The following TSG101 variants were observed in gnomAD, a reference collection of about 807,000 sequenced individuals.
The protein encoded by TSG101 is tumor susceptibility gene 101 protein.
A neutral mutation model predicts 48.5 loss-of-function variants in TSG101; 19 were observed. The ratio of observed to expected loss-of-function variants is 0.39; its 90% confidence interval spans 0.27 to 0.58. TSG101 has a LOEUF of 0.58. TSG101 is among the 20% of genes least tolerant of loss of function. The probability of loss-of-function intolerance (pLI) is 0.55; values close to 1 mark genes in which losing one functional copy is unlikely to be tolerated. For missense variants in TSG101, 365 were observed against 484.4 expected (o/e 0.75, Z 2.31); for synonymous variants, 174 against 169.4 (o/e 1.03, Z -0.21).
chr11:18,498,712 G>A (rs1044247942), intron 7 of TSG101, among the ~76,000 whole-genome samples: 2 of 152,044 alleles, frequency 1.3e-5, no homozygotes, highest in African/African-American at 4.8e-5. Context: ...TGAGAACTGG[G>A]GGCACAGAGA....
intron 1 of TSG101, among the ~76,000 whole-genome samples, chr11:18,520,077 T>C (rs1850244112): frequency 6.6e-6 from 1 of 152,216 alleles, no homozygotes; most frequent in South Asian, 2.1e-4. Flanking sequence ...CCCATTCTAC[T>C]TGTCCCCAGC....
At chr11:18,515,151 C>T (rs539060992) in intron 3 of TSG101, among the ~76,000 whole-genome samples, 1 of 152,182 alleles carries the variant, frequency 6.6e-6, no homozygotes, top group Non-Finnish European at 1.5e-5. Flanking sequence ...CCTCTGTGAT[C>T]TTCCCATGTG....
At chr11:18,499,400 A>ATT (rs1204737360) in intron 7 of TSG101, among the ~76,000 whole-genome samples, 13 of 6,786 alleles carry the variant, frequency 1.9e-3, no homozygotes, top group African/African-American at 4.9e-3. Context: ...ATATATATAT[A>ATT]TATTTTTTTT....
intron 1 of TSG101, among the ~76,000 whole-genome samples, chr11:18,519,915 A>C (rs1850240892): frequency 6.6e-6 from 1 of 152,246 alleles, no homozygotes; most frequent in South Asian, 2.1e-4. Flanking sequence ...AGCTTTTTAA[A>C]GATATAATTC....
chr11:18,516,758 A>G (rs936838328), intron 2 of TSG101, among the ~76,000 whole-genome samples: 2 of 151,782 alleles, frequency 1.3e-5, no homozygotes, highest in Non-Finnish European at 2.9e-5. Flanking sequence ...CCTGACCAAC[A>G]TGGAGAAACC....
At chr11:18,518,195 G>C (rs561442416) in intron 2 of TSG101, among the ~76,000 whole-genome samples, 15 of 152,328 alleles carry the variant, frequency 9.8e-5, no homozygotes, top group Admixed American at 9.2e-4. Context: ...AAGGTAGGCT[G>C]AGATGAGAAG....
chr11:18,484,067 T>A lies in TSG101; in HGVS notation c.646A>T (p.Ser216Cys), dbSNP rs1849585188. 1 of 1,613,986 alleles carries A rather than the reference T, an allele frequency of 6.2e-7. No individual in the cohort carries two copies. The highest frequency in any genetic ancestry group is 1.3e-5 in the African/African-American group (1 of 74,936). ...SQPPVTTVGP[S>C]RDGTISEDTI... Reference sequence around the variant, plus strand: ...TCCTCGCTGATTGTGCCATCCCTACTGGGACCTGCAGGAAACAGAGGCAAA... The same window carrying A: ...TCCTCGCTGATTGTGCCATCCCTACAGGGACCTGCAGGAAACAGAGGCAAA... Residue 216 changes from serine to cysteine, a missense_variant, in exon 8 of 10, where the codon AGT becomes TGT. By Grantham distance (112) the Ser-to-Cys change is moderately radical. Transcript: ENST00000251968.
intron 7 of TSG101, among the ~76,000 whole-genome samples, chr11:18,495,251 G>A (rs1042215000): frequency 1.3e-5 from 2 of 152,128 alleles, no homozygotes; most frequent in Admixed American, 6.5e-5. Flanking sequence ...GGCTTTAACC[G>A]GGAATAAACA....
rs375284013 is a variant in TSG101 at position 18,520,768 on chromosome 11, T to C, written c.43-1165A>G. ...AAATTTCCGGCCAGGCGTGGTGGCT[T>C]ACACTTGTAATCCTAGCATTTTGGG... On this transcript the variant is annotated intron_variant, in intron 1 of 9. Coordinates refer to ENST00000251968, the MANE Select transcript of TSG101 (RefSeq NM_006292.4). 4.6e-5 allele frequency among the ~76,000 whole-genome samples: 7 copies of C among 152,238 alleles called. No homozygotes were observed. The East Asian group carries it at 1.3e-3, about 29-fold the overall frequency.
At chr11:18,489,275 G>C (rs1041811202) in intron 7 of TSG101, among the ~76,000 whole-genome samples, 1 of 151,510 alleles carries the variant, frequency 6.6e-6, no homozygotes, top group African/African-American at 2.4e-5. Context: ...GTCCAGGCTG[G>C]AGTGCGGTTA....
intron 2 of TSG101, among the ~76,000 whole-genome samples, 192 bp from the exon 3 acceptor site, chr11:18,516,356 G>GT (rs71313424): frequency 0.08 from 11,793 of 147,594 alleles, 480 homozygotes; most frequent in African/African-American, 0.09. Context: ...GCTCTTTTTT[G>GT]TTTTTTTTTT....
intron 5 of TSG101, 80 bp downstream of exon 5, chr11:18,509,462 A>G (rs962452279): frequency 2.7e-6 from 4 of 1,505,038 alleles, no homozygotes; most frequent in Non-Finnish European, 3.6e-6. Context: ...AGAAGTCATT[A>G]TTTTTCTTTA....
chr11:18,515,094 G>C (rs571561159), intron 3 of TSG101, among the ~76,000 whole-genome samples: 114 of 152,024 alleles, frequency 7.5e-4, no homozygotes, highest in Non-Finnish European at 1.4e-3. Context: ...TTTTCCCTCT[G>C]TTTATTATGA....
chr11:18,480,799 T>C (rs924687946), intron 9 of TSG101, among the ~76,000 whole-genome samples, 164 bp from the exon 10 acceptor site: 8 of 152,212 alleles, frequency 5.3e-5, no homozygotes, highest in East Asian at 1.9e-4. Flanking sequence ...CTGCATATTA[T>C]AAAGGCTTAC....
At chr11:18,504,057 T>C (rs941903097) in intron 6 of TSG101, among the ~76,000 whole-genome samples, 7 of 151,806 alleles carry the variant, frequency 4.6e-5, no homozygotes, top group Non-Finnish European at 8.8e-5. Flanking sequence ...AAAAATTAGC[T>C]AGGTGTAGGG....
At chr11:18,518,211 G>C (rs944644035) in intron 2 of TSG101, among the ~76,000 whole-genome samples, 1 of 152,100 alleles carries the variant, frequency 6.6e-6, no homozygotes, top group African/African-American at 2.4e-5. Context: ...AGAAGGAATC[G>C]TGTCCTAGGT....
At chr11:18,515,855 G>C (rs1469442354) in intron 3 of TSG101, among the ~76,000 whole-genome samples, 1 of 152,150 alleles carries the variant, frequency 6.6e-6, no homozygotes, top group Non-Finnish European at 1.5e-5. Context: ...TTGATTCAGT[G>C]AAACATTAAA....
chr11:18,511,690 G>A (rs1303246470), intron 4 of TSG101, among the ~76,000 whole-genome samples: 1 of 152,096 alleles, frequency 6.6e-6, no homozygotes, highest in African/African-American at 2.4e-5. Context: ...CATTTCAGTG[G>A]CTTTTATTAT....
intron 1 of TSG101, among the ~76,000 whole-genome samples, chr11:18,524,448 G>T (rs1218840154): frequency 6.6e-6 from 1 of 152,170 alleles, no homozygotes; most frequent in Non-Finnish European, 1.5e-5. Flanking sequence ...TGTGTTCAGG[G>T]TCCTGGCTAA....
Sources: allele counts gnomAD v4.1 joint callset (sites outside exome capture counted in the v4.1 genomes callset), GRCh38; gene constraint gnomAD v4.1.1; transcripts MANE v1.5; gene names NCBI Gene and HGNC (gene_info 2026-07-23, HGNC 2026-07-21).